Variants in GNA14 observed in about 807,000 individuals in gnomAD.
The protein encoded by GNA14 is guanine nucleotide-binding protein subunit alpha-14.
A neutral mutation model predicts 42.0 loss-of-function variants in GNA14; 50 were observed. The observed-to-expected ratio is 1.19, with a 90% CI of 0.95 to 1.51. The LOEUF (loss-of-function observed/expected upper bound fraction) is 1.51. Among genes scored for constraint, GNA14 ranks in the 40% most tolerant of loss-of-function variants. GNA14 has a pLI of 0.00. For missense variants in GNA14, 473 were observed against 446.2 expected, an observed-to-expected ratio of 1.06 and a Z score of -0.54; for synonymous variants, 173 against 163.1, an observed-to-expected ratio of 1.06 and a Z score of -0.46.
intron 1 of GNA14, among the ~76,000 whole-genome samples, chr9:77,566,804 C>A (rs546450248): frequency 8.7e-4 from 128 of 147,040 alleles, no homozygotes; most frequent in Non-Finnish European, 1.6e-3. Flanking sequence ...CACTTTGGGT[C>A]CTGGAATTGT....
rs73651533 is a variant in GNA14 at position 77,547,510 on chromosome 9, G to A, written c.125-18257C>T. Among the ~76,000 whole-genome samples, 1,032 of 152,354 alleles carry A rather than the reference G, an allele frequency of 6.8e-3. 12 individuals carry two copies. The highest frequency in any genetic ancestry group is 0.024 in the African/African-American group (979 of 41,576). On this transcript the variant is annotated intron_variant, in intron 1 of 6. Coordinates refer to ENST00000341700, the MANE Select transcript of GNA14 (RefSeq NM_004297.4). ...GCCTCCAAGGCGTAAGGAAGCAAAA[G>A]AGAACAATCTGCAGCTTCCTTTCAT...
chr9:77,444,722 C>T (rs3824403), intron 2 of GNA14, among the ~76,000 whole-genome samples: 80,082 of 152,026 alleles, frequency 0.53, 21,600 homozygotes, highest in East Asian at 0.69. Context: ...CCCAGCACTC[C>T]GTGCACCTCA....
intron 1 of GNA14, among the ~76,000 whole-genome samples, chr9:77,556,390 G>C (rs997204079): frequency 2.6e-5 from 4 of 152,094 alleles, no homozygotes; most frequent in Admixed American, 6.6e-5. Context: ...AAAAAGAGGG[G>C]CCATGACATG....
At chr9:77,478,187 C>A (rs1339855109) in intron 2 of GNA14, among the ~76,000 whole-genome samples, 1 of 151,560 alleles carries the variant, frequency 6.6e-6, no homozygotes, top group East Asian at 1.9e-4. Context: ...CTCCCCCCAC[C>A]CCACAACAGT....
chr9:77,590,266 T>C (rs1362079890), intron 1 of GNA14, among the ~76,000 whole-genome samples: 1 of 152,170 alleles, frequency 6.6e-6, no homozygotes, highest in Non-Finnish European at 1.5e-5. Context: ...TCCTAACCTT[T>C]GTGATCAAGT....
chr9:77,447,114 C>A (rs774995958), intron 2 of GNA14, among the ~76,000 whole-genome samples: 22 of 152,082 alleles, frequency 1.4e-4, no homozygotes, highest in Middle Eastern at 3.2e-3. Flanking sequence ...CAGGCACACA[C>A]CACCACGCCG....
chr9:77,463,570 T>C (rs1172351345), intron 2 of GNA14, among the ~76,000 whole-genome samples: 1 of 152,230 alleles, frequency 6.6e-6, no homozygotes, highest in Non-Finnish European at 1.5e-5. Context: ...AACATTTCTG[T>C]CATTTAGAAA....
At chr9:77,520,377 T>C (rs1168415571) in intron 2 of GNA14, among the ~76,000 whole-genome samples, 1 of 152,172 alleles carries the variant, frequency 6.6e-6, no homozygotes, top group Admixed American at 6.5e-5. Flanking sequence ...TCTGTCGCCT[T>C]TTTATCGCCA....
chr9:77,441,714 T>C (rs1289237328), intron 2 of GNA14, among the ~76,000 whole-genome samples: 1 of 152,100 alleles, frequency 6.6e-6, no homozygotes, highest in African/African-American at 2.4e-5. Context: ...TAAGATAAAA[T>C]ATATTATTAA....
chr9:77,449,436 T>A (rs1411600355), intron 2 of GNA14, among the ~76,000 whole-genome samples: 1 of 152,254 alleles, frequency 6.6e-6, no homozygotes, highest in Non-Finnish European at 1.5e-5. Flanking sequence ...TTCTTCTTTA[T>A]AACTTCCTTA....
intron 1 of GNA14, among the ~76,000 whole-genome samples, chr9:77,644,887 C>A (rs145964509): frequency 6.6e-6 from 1 of 152,186 alleles, no homozygotes; most frequent in African/African-American, 2.4e-5. Context: ...CAGTACTCAC[C>A]AATGTTCTTA....
chr9:77,563,378 G>C (rs146578295), intron 1 of GNA14, among the ~76,000 whole-genome samples: 150 of 152,274 alleles, frequency 9.9e-4, no homozygotes, highest in East Asian at 5.8e-3. Context: ...CACTGAATCA[G>C]GCAATTTCTG....
chr9:77,529,285 A>G (rs1837492834), intron 1 of GNA14, 32 bp from the exon 2 acceptor site: 1 of 1,552,378 alleles, frequency 6.4e-7, no homozygotes. Context: ...AAACGCTGTC[A>G]GCAGACTTCC....
intron 1 of GNA14, among the ~76,000 whole-genome samples, chr9:77,581,525 C>T (rs1823223656): frequency 6.6e-6 from 1 of 152,208 alleles, no homozygotes; most frequent in African/African-American, 2.4e-5. Context: ...CATGATTGCC[C>T]TGGATTCAGA....
intron 2 of GNA14, among the ~76,000 whole-genome samples, chr9:77,501,859 C>T (rs549371286): frequency 6.6e-6 from 1 of 152,010 alleles, no homozygotes; most frequent in Admixed American, 6.6e-5. Flanking sequence ...TACAAGCACA[C>T]ACCACCACAC....
chr9:77,485,829 CTT>C (rs1238578192), intron 2 of GNA14, among the ~76,000 whole-genome samples: 2 of 152,150 alleles, frequency 1.3e-5, no homozygotes, highest in Non-Finnish European at 2.9e-5. Flanking sequence ...CCACAGTAGG[CTT>C]AAAATATTCA....
At chr9:77,521,842 A>AT (rs1289022497) in intron 2 of GNA14, among the ~76,000 whole-genome samples, 4 of 151,678 alleles carry the variant, frequency 2.6e-5, no homozygotes, top group Non-Finnish European at 2.9e-5. Flanking sequence ...TATGGTACAT[A>AT]TTTTTTTTGA....
At chr9:77,482,035 T>C (rs988088338) in intron 2 of GNA14, among the ~76,000 whole-genome samples, 6 of 152,216 alleles carry the variant, frequency 3.9e-5, no homozygotes, top group African/African-American at 1.4e-4. Context: ...AATTGGAGCA[T>C]TTAGCCCATT....
intron 2 of GNA14, among the ~76,000 whole-genome samples, chr9:77,524,866 T>C (rs937201735): frequency 1.3e-5 from 2 of 152,068 alleles, no homozygotes; most frequent in African/African-American, 4.8e-5. Flanking sequence ...TCGAGGGTCA[T>C]TTAATTTGTA....
Sources: gnomAD v4.1 joint callset for allele counts (sites outside exome capture counted in the v4.1 genomes callset) on GRCh38, gnomAD v4.1.1 for gene constraint, MANE v1.5 for transcripts, NCBI Gene and HGNC (gene_info 2026-07-23, HGNC 2026-07-21) for gene names.